The following CFAP57 variants were observed in gnomAD, a reference collection of about 807,000 sequenced individuals.
CFAP57 encodes cilia and flagella associated protein 57, also known as cilia- and flagella-associated protein 57.
Under a neutral mutation model 146.8 loss-of-function variants are expected in CFAP57, and 116 were observed. That is an observed-to-expected ratio of 0.79 (90% CI 0.68 to 0.92). CFAP57 has a LOEUF of 0.92. Among genes scored for constraint, CFAP57 ranks in the 40% least tolerant of loss-of-function variants. CFAP57 has a pLI of 0.00. For missense variants in CFAP57, 1,377 were observed against 1,527.2 expected (o/e 0.90, Z 1.64); for synonymous variants, 518 against 552.8 (o/e 0.94, Z 0.88).
At chr1:43,235,163 C>T (rs1645639741) in intron 21 of CFAP57, among the ~76,000 whole-genome samples, 3 of 152,148 alleles carry the variant, frequency 2.0e-5, no homozygotes, top group African/African-American at 4.8e-5. Context: ...ACCCTTATCT[C>T]TTGTGTCCCA....
At chr1:43,218,754 G>A (rs1226417763) in intron 12 of CFAP57, among the ~76,000 whole-genome samples, 1 of 152,180 alleles carries the variant, frequency 6.6e-6, no homozygotes, top group East Asian at 1.9e-4. Flanking sequence ...GAACCACCCA[G>A]CTTTGGGCAC....
At chr1:43,222,692 C>G (rs778309938) in intron 15 of CFAP57, 132 bp from the exon 16 acceptor site, 4 of 1,059,320 alleles carry the variant, frequency 3.8e-6, no homozygotes, top group Non-Finnish European at 5.2e-6. Flanking sequence ...GCCATGGTCT[C>G]CGTTTCTGGA....
Position 43,206,719 on chromosome 1 carries a change from G to C in CFAP57, c.1543-1G>C. On this transcript the variant is annotated splice_acceptor_variant, in intron 9 of 22. Transcript: ENST00000372492. LOFTEE classifies it high-confidence loss of function. ...ACTGGATATGTCTTCCTCTCCTGCA[G>C]ATTCGCTCAATTGTGTGGAATGCAG... 3.7e-6 allele frequency: 6 copies of C among 1,613,946 alleles called. No individual in the cohort carries two copies. Among genetic ancestry groups the C allele is most frequent in the African/African-American group, 1.3e-5 (1 of 74,940 alleles).
chr1:43,194,206 G>T (rs978388880), intron 6 of CFAP57, among the ~76,000 whole-genome samples: 3 of 151,834 alleles, frequency 2.0e-5, no homozygotes, highest in Non-Finnish European at 4.4e-5. Context: ...AGTTCTAAAA[G>T]ATAGCTTTGC....
intron 14 of CFAP57, among the ~76,000 whole-genome samples, chr1:43,221,835 A>G (rs1645057049): frequency 6.6e-6 from 1 of 152,162 alleles, no homozygotes; most frequent in African/African-American, 2.4e-5. Context: ...CACTCAGGAT[A>G]TTCTTCTTGG....
chr1:43,241,902 C>T (rs969544155), intron 21 of CFAP57, among the ~76,000 whole-genome samples: 6 of 152,060 alleles, frequency 3.9e-5, no homozygotes, highest in African/African-American at 7.3e-5. Context: ...GGATGGGGCT[C>T]CTCCTTGGGG....
intron 17 of CFAP57, 35 bp from the exon 18 acceptor site, chr1:43,226,948 C>A (rs1201915220): frequency 2.9e-5 from 43 of 1,468,032 alleles, no homozygotes; most frequent in Non-Finnish European, 3.6e-5. Context: ...CAGGGCCTTA[C>A]AATATCTCTC....
intron 21 of CFAP57, among the ~76,000 whole-genome samples, chr1:43,236,887 C>T (rs559901869): frequency 3.5e-5 from 5 of 144,736 alleles, no homozygotes; most frequent in East Asian, 2.1e-4. Flanking sequence ...CCAGCCTGGG[C>T]GACAGAGCGA....
rs149418577 is a variant in CFAP57, at chr1:43,202,949, G to A, written c.1542+3446G>A. Among the ~76,000 whole-genome samples the A allele has an allele frequency of 7.8e-3, 1,194 of 152,166 alleles. 16 individuals carry two copies. The highest frequency in any genetic ancestry group is 0.026 in the African/African-American group (1,093 of 41,506). On this transcript the variant is annotated intron_variant, in intron 9 of 22. Coordinates refer to ENST00000372492, the MANE Select transcript of CFAP57 (RefSeq NM_001378189.1). ...AGCACTTTGGGAGGCTGAGGTGGGCGGATCACGAGGTCAGGAGATGGAGAT... is the reference window on the plus strand; with the variant it reads ...AGCACTTTGGGAGGCTGAGGTGGGCAGATCACGAGGTCAGGAGATGGAGAT...
intron 18 of CFAP57, among the ~76,000 whole-genome samples, chr1:43,231,496 A>C (rs999595629): frequency 1.3e-5 from 2 of 152,198 alleles, no homozygotes; most frequent in African/African-American, 2.4e-5. Context: ...GTCTCATCCT[A>C]ATTGGACACT....
intron 21 of CFAP57, among the ~76,000 whole-genome samples, chr1:43,240,289 C>A (rs59622539): frequency 0.011 from 1,734 of 152,286 alleles, 23 homozygotes; most frequent in African/African-American, 0.04. Flanking sequence ...TGCCTCACAT[C>A]GCTAAGCTGC....
At chr1:43,191,254 C>A (rs1643501271) in intron 6 of CFAP57, among the ~76,000 whole-genome samples, 1 of 152,052 alleles carries the variant, frequency 6.6e-6, no homozygotes, top group Admixed American at 6.6e-5. Flanking sequence ...TCATAGTATT[C>A]CTTTATGATC....
chr1:43,210,371 C>T (rs768665), intron 11 of CFAP57: 15,247 of 1,296,560 alleles, frequency 0.012, 109 homozygotes, highest in Admixed American at 0.03. Context: ...CTTCCATTCA[C>T]CCTTCTCATA....
intron 18 of CFAP57, chr1:43,232,007 G>A: frequency 3.0e-6 from 2 of 673,102 alleles, no homozygotes; most frequent in South Asian, 1.6e-5. Flanking sequence ...CCCCTTTCCT[G>A]TTTTATGCCT....
rs1557728456 is a variant in CFAP57, at chr1:43,181,589, C to A, written c.213C>A (p.Tyr71Ter). 3.7e-6 allele frequency: 6 copies of A among 1,614,210 alleles called. No homozygotes were observed. Among genetic ancestry groups the A allele is most frequent in the Non-Finnish European group, 4.2e-6 (5 of 1,180,034 alleles). Residue 71 changes from tyrosine to a stop codon, truncating the protein, a stop_gained, in exon 3 of 23, where the codon TAC (tyrosine) becomes TAA (stop). Transcript: ENST00000372492. LOFTEE classifies it high-confidence loss of function. ...LALSISPNRR[Y>*]LAISETVQEK... ...TGTCCATCAGTCCCAATCGGCGGTA[C>A]CTCGCTATCTCTGAGACTGTGCAAG... is the stretch of plus-strand genomic sequence containing the variant.
At chr1:43,247,691 A>C (rs955146913) in intron 22 of CFAP57, among the ~76,000 whole-genome samples, 1 of 152,246 alleles carries the variant, frequency 6.6e-6, no homozygotes, top group Non-Finnish European at 1.5e-5. Context: ...AGAATATTTT[A>C]TTATCTAAAC....
At chr1:43,173,230 C>CT (rs2124192555) in intron 2 of CFAP57, among the ~76,000 whole-genome samples, 1 of 152,296 alleles carries the variant, frequency 6.6e-6, no homozygotes, top group East Asian at 1.9e-4. Context: ...TTTGAGTTGT[C>CT]TAACAGTTTT....
rs1471538294 is a variant in CFAP57 at position 43,234,583 on chromosome 1, A to T, written c.3350A>T (p.Lys1117Met). Reference sequence around the variant, plus strand: ...GAGAGGAACCTGGCCACTCTCAAGAAGAAGGTGGTCAAGGAGGGCGAGCTG... The same window carrying T: ...GAGAGGAACCTGGCCACTCTCAAGATGAAGGTGGTCAAGGAGGGCGAGCTG... Reference protein sequence around the residue: ...HLERNLATLKKKVVKEGELHR... With the variant: ...HLERNLATLKMKVVKEGELHR... The change falls in exon 21 of 23, where the codon AAG becomes ATG. Residue 1117 changes from lysine (K) to methionine (M), a missense_variant. By Grantham distance (95) the Lys-to-Met change is moderately conservative. Transcript: ENST00000372492. 4.5e-6 allele frequency: 7 copies of T among 1,550,372 alleles called. No individual in the cohort carries two copies. The South Asian group carries it at 8.3e-5, about 18-fold the overall frequency.
intron 2 of CFAP57, among the ~76,000 whole-genome samples, chr1:43,177,616 C>G (rs540483464): frequency 4.5e-4 from 69 of 152,156 alleles, no homozygotes; most frequent in African/African-American, 1.6e-3. Flanking sequence ...TTTCTGGCAT[C>G]GGGGTAGGTT....
Sources: gnomAD v4.1 joint callset for allele counts (sites outside exome capture counted in the v4.1 genomes callset) on GRCh38, gnomAD v4.1.1 for gene constraint, MANE v1.5 for transcripts, NCBI Gene and HGNC (gene_info 2026-07-23, HGNC 2026-07-21) for gene names.